Variants in PCDHA5 observed in about 807,000 individuals in gnomAD.
The protein encoded by PCDHA5 is protocadherin alpha-5.
A neutral mutation model predicts 61.6 loss-of-function variants in PCDHA5; 43 were observed. The observed-to-expected ratio is 0.70, with a 90% CI of 0.55 to 0.90. The LOEUF (loss-of-function observed/expected upper bound fraction) is 0.90. Ranked by LOEUF, PCDHA5 falls within the 40% of genes least tolerant of loss-of-function variation. The pLI, the probability that PCDHA5 is intolerant of heterozygous loss-of-function variation, is 0.00. For missense variants in PCDHA5, 1,298 were observed against 1,222.7 expected (o/e 1.06, Z -0.92); for synonymous variants, 627 against 543.9 (o/e 1.15, Z -2.13).
intron 1 of PCDHA5, among the ~76,000 whole-genome samples, chr5:140,960,268 C>T (rs909300103): frequency 3.3e-5 from 5 of 152,222 alleles, no homozygotes; most frequent in African/African-American, 7.2e-5. Context: ...TGATAAATTC[C>T]GTCACCTTTT....
At chr5:140,966,313 C>T (rs1349194825) in intron 1 of PCDHA5, 18 of 386,704 alleles carry the variant, frequency 4.7e-5, no homozygotes, top group African/African-American at 2.5e-4. Flanking sequence ...CGTGTTCCTG[C>T]GGTCCGCTGG....
intron 3 of PCDHA5, among the ~76,000 whole-genome samples, chr5:141,008,045 CAG>C (rs1416741468): frequency 2.0e-5 from 3 of 151,924 alleles, no homozygotes; most frequent in South Asian, 2.1e-4. Context: ...CCTTTTGTAA[CAG>C]GGGTCCAGTC....
At chr5:140,859,551 A>G (rs1258931011) in intron 1 of PCDHA5, 1 of 180,640 alleles carries the variant, frequency 5.5e-6, no homozygotes, top group African/African-American at 2.4e-5. Flanking sequence ...AGTGTTACCA[A>G]ACACCAATGC....
rs114351206 is a variant in PCDHA5 at position 140,991,799 on chromosome 5, G to A, written c.2500+9236G>A. Among the ~76,000 whole-genome samples the A allele has an allele frequency of 3.8e-3, 580 of 152,160 alleles. 3 individuals are homozygous for A. The highest frequency in any genetic ancestry group is 0.013 in the African/African-American group (548 of 41,490). On this transcript the variant is annotated intron_variant, in intron 3 of 3. Coordinates refer to ENST00000529859, the MANE Select transcript of PCDHA5 (RefSeq NM_018908.3). ...ACTCTGCCCATTTCCCAATCTCAAG[G>A]CCACTTCCGCATTTTTAGGCATTTA... is the stretch of plus-strand genomic sequence containing the variant.
intron 1 of PCDHA5, among the ~76,000 whole-genome samples, chr5:140,833,285 G>A (rs1166936002): frequency 1.3e-5 from 2 of 152,118 alleles, no homozygotes; most frequent in Non-Finnish European, 2.9e-5. Flanking sequence ...ATTTAGGAAA[G>A]CATCTGAATA....
chr5:140,834,278 A>G (rs1772879632), intron 1 of PCDHA5: 2 of 1,087,966 alleles, frequency 1.8e-6, no homozygotes, highest in Admixed American at 2.3e-5. Flanking sequence ...CACTCTTTGG[A>G]TGCACAACAA....
intron 1 of PCDHA5, chr5:140,869,835 A>T (rs782478328): frequency 1.2e-6 from 2 of 1,611,774 alleles, no homozygotes; most frequent in South Asian, 2.2e-5. Context: ...AGTTTGATAA[A>T]TCAGAATATA....
chr5:140,841,115 G>T (rs1777030061), intron 1 of PCDHA5: 4 of 612,976 alleles, frequency 6.5e-6, no homozygotes, highest in Non-Finnish European at 1.1e-5. Flanking sequence ...AGTAATTCAT[G>T]TAATCATTAC....
chr5:140,965,216 A>G (rs2095880887), intron 1 of PCDHA5, among the ~76,000 whole-genome samples: 1 of 152,224 alleles, frequency 6.6e-6, no homozygotes, highest in Non-Finnish European at 1.5e-5. Context: ...TTCCTGTGGA[A>G]GAAATGTGAG....
intron 1 of PCDHA5, among the ~76,000 whole-genome samples, chr5:140,975,246 G>T (rs1304794782): frequency 6.6e-6 from 1 of 152,136 alleles, no homozygotes; most frequent in Non-Finnish European, 1.5e-5. Context: ...TCCCTCTTAT[G>T]CTTCAGATCT....
intron 1 of PCDHA5, among the ~76,000 whole-genome samples, chr5:140,892,282 ACTT>A (rs1405766060): frequency 1.3e-5 from 2 of 152,178 alleles, no homozygotes; most frequent in African/African-American, 4.8e-5. Flanking sequence ...TGTATTAAAC[ACTT>A]CTTCCTGGAA....
intron 1 of PCDHA5, chr5:140,967,993 T>C (rs372478638): frequency 1.5e-5 from 24 of 1,614,206 alleles, no homozygotes; most frequent in Non-Finnish European, 1.2e-5. Flanking sequence ...CCACACTGCC[T>C]TTCCGACTGA....
At chr5:140,918,759 G>A (rs931610210) in intron 1 of PCDHA5, among the ~76,000 whole-genome samples, 7 of 152,130 alleles carry the variant, frequency 4.6e-5, no homozygotes, top group Non-Finnish European at 1.0e-4. Context: ...CCAGAGAGGT[G>A]CCTTGCCTCT....
chr5:141,001,159 G>A (rs1332533329), intron 3 of PCDHA5, among the ~76,000 whole-genome samples: 2 of 152,076 alleles, frequency 1.3e-5, no homozygotes, highest in Non-Finnish European at 2.9e-5. Context: ...ATCTTAATAA[G>A]TAAAATTTAA....
chr5:140,889,035 T>C (rs1554183751), intron 1 of PCDHA5, among the ~76,000 whole-genome samples: 2 of 152,104 alleles, frequency 1.3e-5, no homozygotes. Flanking sequence ...AACCGTAATT[T>C]GATTATAATT....
intron 3 of PCDHA5, among the ~76,000 whole-genome samples, chr5:140,996,661 G>A (rs1554255301): frequency 6.6e-6 from 1 of 152,194 alleles, no homozygotes; most frequent in Admixed American, 6.5e-5. Context: ...GTGCAGGCTA[G>A]TTTTTGAACC....
chr5:140,981,037 A>T (rs1427761331), intron 2 of PCDHA5, among the ~76,000 whole-genome samples: 1 of 152,204 alleles, frequency 6.6e-6, no homozygotes, highest in Non-Finnish European at 1.5e-5. Context: ...TTTGGGGAAA[A>T]AAAACAGATA....
intron 1 of PCDHA5, chr5:140,871,198 C>A: frequency 6.2e-7 from 1 of 1,613,730 alleles, no homozygotes; most frequent in Non-Finnish European, 8.5e-7. Flanking sequence ...CAACGTGTAC[C>A]TGATCATCGC....
At chr5:140,973,768 A>G (rs1408539146) in intron 1 of PCDHA5, among the ~76,000 whole-genome samples, 3 of 152,258 alleles carry the variant, frequency 2.0e-5, no homozygotes, top group African/African-American at 7.2e-5. Flanking sequence ...ACAGCCTGGC[A>G]TATTATAGGT....
Sources: allele counts gnomAD v4.1 joint callset (sites outside exome capture counted in the v4.1 genomes callset), GRCh38; gene constraint gnomAD v4.1.1; transcripts MANE v1.5; gene names NCBI Gene and HGNC (gene_info 2026-07-23, HGNC 2026-07-21).